The following AP3S1 variants were observed in gnomAD, a reference collection of about 807,000 sequenced individuals.
The protein encoded by AP3S1 is AP-3 complex subunit sigma-1.
In AP3S1, 12 loss-of-function variants were observed where a neutral mutation model predicts 21.3. That is an observed-to-expected ratio of 0.56 (90% confidence interval 0.36 to 0.91). The LOEUF is 0.91. Ranked by LOEUF, AP3S1 falls within the 40% of genes least tolerant of loss-of-function variation. The pLI is 0.01. For missense variants in AP3S1, 116 were observed against 225.0 expected, an observed-to-expected ratio of 0.52 and a Z score of 3.10; for synonymous variants, 48 against 78.4, an observed-to-expected ratio of 0.61 and a Z score of 2.05.
intron 3 of AP3S1, among the ~76,000 whole-genome samples, chr5:115,872,146 T>C (rs1052257893): frequency 3.3e-5 from 5 of 152,056 alleles, no homozygotes; most frequent in Admixed American, 3.3e-4. Context: ...TCTACAAAAA[T>C]TAGACAGGCA....
intron 3 of AP3S1, among the ~76,000 whole-genome samples, chr5:115,893,110 C>A (rs1389078816): frequency 6.6e-6 from 1 of 152,048 alleles, no homozygotes; most frequent in African/African-American, 2.4e-5. Flanking sequence ...AAAAGTAATC[C>A]CTTCTGGTTC....
intron 5 of AP3S1, among the ~76,000 whole-genome samples, chr5:115,906,194 G>A (rs1253257515): frequency 1.3e-5 from 2 of 152,044 alleles, no homozygotes; most frequent in East Asian, 1.9e-4. Context: ...GTTTAAAATC[G>A]AGAATGTCAT....
chr5:115,896,502 G>T (rs1750764280), intron 4 of AP3S1, among the ~76,000 whole-genome samples: 1 of 152,188 alleles, frequency 6.6e-6, no homozygotes, highest in Admixed American at 6.5e-5. Flanking sequence ...TTGAAGACCA[G>T]GTGCAGGTGC....
chr5:115,900,092 TATTCAATACACTA>T (rs968657465), intron 4 of AP3S1, among the ~76,000 whole-genome samples: 2 of 152,034 alleles, frequency 1.3e-5, no homozygotes, highest in Non-Finnish European at 2.9e-5. Context: ...GTAGAAATAA[TATTCAATACACTA>T]AAAGTGCACA....
At chr5:115,886,286 T>A (rs934048431) in intron 3 of AP3S1, among the ~76,000 whole-genome samples, 1 of 152,124 alleles carries the variant, frequency 6.6e-6, no homozygotes, top group African/African-American at 2.4e-5. Flanking sequence ...GGTCAACTTA[T>A]ACACAGATTT....
chr5:115,845,558 G>T (rs1761993015), intron 1 of AP3S1, among the ~76,000 whole-genome samples: 2 of 152,066 alleles, frequency 1.3e-5, no homozygotes, highest in South Asian at 4.1e-4. Context: ...TGTGGGCTGG[G>T]TGCCATGGCT....
intron 5 of AP3S1, among the ~76,000 whole-genome samples, chr5:115,904,781 A>G (rs954345364): frequency 1.3e-5 from 2 of 152,216 alleles, no homozygotes; most frequent in South Asian, 2.1e-4. Flanking sequence ...AGAACTTAAA[A>G]TGTGTGTCAT....
intron 3 of AP3S1, among the ~76,000 whole-genome samples, chr5:115,879,015 T>C (rs534011524): frequency 1.3e-5 from 2 of 152,332 alleles, no homozygotes; most frequent in South Asian, 2.1e-4. Flanking sequence ...TATTGGTGTA[T>C]AGGAATGCTT....
At chr5:115,880,985 T>G (rs1749228165) in intron 3 of AP3S1, among the ~76,000 whole-genome samples, 2 of 152,188 alleles carry the variant, frequency 1.3e-5, no homozygotes, top group African/African-American at 2.4e-5. Context: ...CTTTGTTGGT[T>G]TAAAGTCTGT....
chr5:115,852,617 T>C (rs152397), intron 1 of AP3S1, among the ~76,000 whole-genome samples: 57,974 of 151,832 alleles, frequency 0.38, 11,377 homozygotes, highest in African/African-American at 0.45. Flanking sequence ...AGCAGTCACT[T>C]TTCAATCCCC....
At chr5:115,850,685 T>A (rs987769750) in intron 1 of AP3S1, among the ~76,000 whole-genome samples, 12 of 152,204 alleles carry the variant, frequency 7.9e-5, no homozygotes, top group African/African-American at 2.9e-4. Flanking sequence ...GTAGCATGTA[T>A]CAAAATTTCC....
chr5:115,884,400 C>T (rs1411124820), intron 3 of AP3S1, among the ~76,000 whole-genome samples: 1 of 152,136 alleles, frequency 6.6e-6, no homozygotes, highest in Admixed American at 6.5e-5. Flanking sequence ...CCCGTCTCTA[C>T]TAAAGATACA....
intron 1 of AP3S1, among the ~76,000 whole-genome samples, chr5:115,856,160 C>T (rs1263103897): frequency 6.6e-6 from 1 of 152,078 alleles, no homozygotes; most frequent in Non-Finnish European, 1.5e-5. Context: ...GTTAGGAAAT[C>T]TGATCAGCCT....
intron 1 of AP3S1, among the ~76,000 whole-genome samples, chr5:115,855,127 C>T (rs1580625407): frequency 6.6e-6 from 1 of 152,002 alleles, no homozygotes. Flanking sequence ...ACCTCCACCT[C>T]CTGGGTTCAA....
At chr5:115,881,336 C>A (rs1316628671) in intron 3 of AP3S1, among the ~76,000 whole-genome samples, 4 of 152,246 alleles carry the variant, frequency 2.6e-5, no homozygotes, top group East Asian at 3.9e-4. Context: ...ATGGCTGGTA[C>A]CGGTTTTTCC....
intron 2 of AP3S1, 34 bp downstream of exon 2, chr5:115,866,795 TTGACTATG>T: frequency 6.9e-7 from 1 of 1,441,652 alleles, no homozygotes; most frequent in Non-Finnish European, 9.6e-7. Flanking sequence ...TTTCTAAGTT[TTGACTATG>T]TGATTAAAAT....
intron 1 of AP3S1, among the ~76,000 whole-genome samples, chr5:115,844,031 G>A (rs752571482): frequency 6.6e-6 from 1 of 152,206 alleles, no homozygotes; most frequent in South Asian, 2.1e-4. Context: ...GCCGTTTATA[G>A]GTGGAGTATG....
chr5:115,863,939 C>T (rs1473281348), intron 1 of AP3S1, among the ~76,000 whole-genome samples: 1 of 152,112 alleles, frequency 6.6e-6, no homozygotes, highest in Non-Finnish European at 1.5e-5. Flanking sequence ...ATTAAGAAAA[C>T]CATTGCAGAG....
intron 2 of AP3S1, among the ~76,000 whole-genome samples, chr5:115,868,534 T>C (rs1338050539): frequency 1.3e-5 from 2 of 152,310 alleles, no homozygotes; most frequent in African/African-American, 4.8e-5. Context: ...AGTATATACC[T>C]TGGGAAGTTG....
Sources: allele counts gnomAD v4.1 joint callset (sites outside exome capture counted in the v4.1 genomes callset), GRCh38; gene constraint gnomAD v4.1.1; transcripts MANE v1.5; gene names NCBI Gene and HGNC (gene_info 2026-07-23, HGNC 2026-07-21).